MECOM: variants seen among roughly 807,000 people sequenced by gnomAD.
The protein encoded by MECOM is histone-lysine N-methyltransferase MECOM.
A neutral mutation model predicts 116.3 loss-of-function variants in MECOM; 13 were observed. The observed-to-expected ratio is 0.11, with a 90% confidence interval of 0.07 to 0.18. The LOEUF (loss-of-function observed/expected upper bound fraction) is 0.18. Among genes scored for constraint, MECOM ranks in the 10% least tolerant of loss-of-function variants. MECOM has a pLI of 1.00. For missense variants in MECOM, 1,299 were observed against 1,509.0 expected, an observed-to-expected ratio of 0.86 and a Z score of 2.31; for synonymous variants, 528 against 535.2, an observed-to-expected ratio of 0.99 and a Z score of 0.19.
At chr3:169,131,632 T>A in intron 3 of MECOM, 101 bp from the exon 4 acceptor site, 1 of 829,464 alleles carries the variant, frequency 1.2e-6, no homozygotes, top group South Asian at 2.1e-5. Context: ...ACAAACACCT[T>A]AACAAACATC....
rs949526646 is a variant in MECOM at position 169,115,888 on chromosome 3, T to C, written c.1984A>G (p.Ile662Val). Reference sequence around the variant, plus strand: ...TCAGCAATAGAAGCAATAGCCTTTATAGAATCATTCACAGCTCCTGACACC... The same window carrying C: ...TCAGCAATAGAAGCAATAGCCTTTACAGAATCATTCACAGCTCCTGACACC... ...TAVSGAVNDSIKAIASIAEKY... is the reference protein window; with the variant it reads ...TAVSGAVNDSVKAIASIAEKY... Residue 662 changes from isoleucine (I) to valine (V), a missense_variant, in exon 8 of 17, where the codon ATA becomes GTA. This residue lies in a region of MECOM where 340 missense variants were observed against 312.6 expected (regional missense o/e 1.09). Coordinates refer to ENST00000651503, the MANE Select transcript of MECOM (RefSeq NM_004991.4). 6.2e-7 allele frequency: 1 copy of C among 1,614,000 alleles called. No individual in the cohort carries two copies. The highest frequency in any genetic ancestry group is 1.3e-5 in the African/African-American group (1 of 74,914).
chr3:169,618,940 C>G lies in MECOM; in HGVS notation c.37+44396G>C, dbSNP rs190352293. On this transcript the variant is annotated intron_variant, in intron 1 of 16. Transcript: ENST00000651503. ...CATTATACCTAAAAGCCACCGTCCT[C>G]TAAGAAAAAAGACAGTTGTTTCTTC... is the stretch of plus-strand genomic sequence containing the variant. 3.6e-4 allele frequency among the ~76,000 whole-genome samples: 55 copies of G among 151,738 alleles called. 1 individual carries two copies. Among genetic ancestry groups the G allele is most frequent in the African/African-American group, 1.3e-3 (54 of 41,398 alleles).
chr3:169,634,022 TG>T (rs1164319445), intron 1 of MECOM, among the ~76,000 whole-genome samples: 2 of 151,720 alleles, frequency 1.3e-5, no homozygotes, highest in Non-Finnish European at 2.9e-5. Flanking sequence ...TCCCACAGAA[TG>T]GGGCCATTCA....
chr3:169,616,381 T>C (rs1383804135), intron 1 of MECOM, among the ~76,000 whole-genome samples: 1 of 152,212 alleles, frequency 6.6e-6, no homozygotes, highest in African/African-American at 2.4e-5. Context: ...AGTCTTGCTC[T>C]GTTGCCCAGG....
At chr3:169,570,608 G>T (rs1763776241) in intron 1 of MECOM, among the ~76,000 whole-genome samples, 1 of 152,082 alleles carries the variant, frequency 6.6e-6, no homozygotes, top group Non-Finnish European at 1.5e-5. Context: ...CTGGCAAACT[G>T]AATCCAGCAG....
At position 169,109,404 on chromosome 3, in the gene MECOM, T is replaced by C. The variant is rs542783056; in HGVS notation, c.2578-1452A>G. ...GCATTCATCTTTTAATTTTGATGTA[T>C]GCATTCATGTATCTTTTTTTTTTTT... On this transcript the variant is annotated intron_variant, in intron 9 of 16. Coordinates refer to ENST00000651503, the MANE Select transcript of MECOM (RefSeq NM_004991.4). Among the ~76,000 whole-genome samples the C allele has an allele frequency of 4.1e-5, 6 of 145,880 alleles. No homozygotes were observed. In the East Asian group the frequency reaches 1.0e-3, roughly 25 times the overall value.
chr3:169,555,045 A>T (rs938049627), intron 1 of MECOM, among the ~76,000 whole-genome samples: 3 of 152,236 alleles, frequency 2.0e-5, no homozygotes, highest in Admixed American at 1.3e-4. Flanking sequence ...TAAGTTTACC[A>T]GAAGAGGTAT....
At chr3:169,350,470 A>C (rs1278823193) in intron 2 of MECOM, among the ~76,000 whole-genome samples, 1 of 151,956 alleles carries the variant, frequency 6.6e-6, no homozygotes, top group Non-Finnish European at 1.5e-5. Flanking sequence ...GAGATTTTCC[A>C]AGGCTATGTA....
intron 1 of MECOM, among the ~76,000 whole-genome samples, chr3:169,419,594 T>C (rs537768133): frequency 6.6e-6 from 1 of 151,902 alleles, no homozygotes; most frequent in Admixed American, 6.6e-5. Flanking sequence ...TTACACCTTA[T>C]ACACAAATCA....
chr3:169,149,081 T>TC (rs1270475630), intron 2 of MECOM, among the ~76,000 whole-genome samples: 2 of 150,926 alleles, frequency 1.3e-5, no homozygotes, highest in African/African-American at 4.9e-5. Flanking sequence ...AGCTTTCTTT[T>TC]TTTTTTTTTT....
At chr3:169,355,610 T>C (rs979551462) in intron 2 of MECOM, among the ~76,000 whole-genome samples, 5 of 151,970 alleles carry the variant, frequency 3.3e-5, no homozygotes, top group Non-Finnish European at 5.9e-5. Flanking sequence ...GTTTAAAAGA[T>C]AGCATTATTA....
chr3:169,153,616 T>C (rs1033310098), intron 2 of MECOM, among the ~76,000 whole-genome samples: 1 of 152,318 alleles, frequency 6.6e-6, no homozygotes, highest in East Asian at 1.9e-4. Context: ...ATCAGATTCT[T>C]CCCTCGAGCT....
At chr3:169,484,295 AAG>A (rs1751825969) in intron 1 of MECOM, among the ~76,000 whole-genome samples, 1 of 152,188 alleles carries the variant, frequency 6.6e-6, no homozygotes, top group Non-Finnish European at 1.5e-5. Flanking sequence ...AAAAGAAAGA[AAG>A]AGGAGATAAA....
chr3:169,351,003 C>T (rs142840556), intron 2 of MECOM, among the ~76,000 whole-genome samples: 1 of 151,788 alleles, frequency 6.6e-6, no homozygotes, highest in South Asian at 2.1e-4. Context: ...CACATATAAC[C>T]TAAAGAGCTT....
At chr3:169,587,673 G>A (rs1765929300) in intron 1 of MECOM, among the ~76,000 whole-genome samples, 1 of 152,102 alleles carries the variant, frequency 6.6e-6, no homozygotes, top group Non-Finnish European at 1.5e-5. Context: ...ATATTTAGGA[G>A]GAACCTGGTA....
chr3:169,372,639 G>A (rs1730333924), intron 2 of MECOM, among the ~76,000 whole-genome samples: 1 of 151,910 alleles, frequency 6.6e-6, no homozygotes, highest in African/African-American at 2.4e-5. Context: ...TATAATAATT[G>A]GCTTTTGCCC....
At chr3:169,091,985 C>T (rs1329521215) in intron 14 of MECOM, among the ~76,000 whole-genome samples, 4 of 151,964 alleles carry the variant, frequency 2.6e-5, no homozygotes, top group Non-Finnish European at 5.9e-5. Context: ...TTTAATAGGT[C>T]ACTATATAGT....
intron 5 of MECOM, among the ~76,000 whole-genome samples, chr3:169,124,686 GC>G (rs1291726083): frequency 2.6e-5 from 4 of 152,126 alleles, no homozygotes; most frequent in African/African-American, 9.6e-5. Flanking sequence ...ATAATTCAAA[GC>G]AGGTATAATG....
At position 169,163,749 on chromosome 3, in the gene MECOM, G is replaced by C. The variant is rs148772417; in HGVS notation, c.376-19917C>G. Among the ~76,000 whole-genome samples the C allele has an allele frequency of 5.2e-3, 795 of 152,242 alleles. 3 individuals carry two copies. Among genetic ancestry groups the C allele is most frequent in the South Asian group, 0.021 (99 of 4,822 alleles). ...ATGACCTGAAAGACTGGTCTGTTAAGATGCCAAAGATACTATGTCCTTGGT... is the reference window on the plus strand; with the variant it reads ...ATGACCTGAAAGACTGGTCTGTTAACATGCCAAAGATACTATGTCCTTGGT... On this transcript the variant is annotated intron_variant, in intron 2 of 16. Transcript: ENST00000651503.
Sources: allele counts gnomAD v4.1 joint callset (sites outside exome capture counted in the v4.1 genomes callset), GRCh38; gene constraint gnomAD v4.1.1; regional missense constraint gnomAD v4.1.1; transcripts MANE v1.5; gene names NCBI Gene and HGNC (gene_info 2026-07-23, HGNC 2026-07-21).